DHTKD1: variants seen among roughly 807,000 people sequenced by gnomAD.
DHTKD1 encodes the protein dehydrogenase E1 and transketolase domain containing 1.
Under a neutral mutation model 101.8 loss-of-function variants are expected in DHTKD1, and 78 were observed. The observed-to-expected ratio is 0.77, with a 90% confidence interval of 0.64 to 0.93. DHTKD1 has a LOEUF of 0.93. DHTKD1 is among the 40% of genes least tolerant of loss of function. DHTKD1 has a pLI of 0.00. For missense variants in DHTKD1, 1,223 were observed against 1,161.7 expected, an observed-to-expected ratio of 1.05 and a Z score of -0.77; for synonymous variants, 462 against 450.3, an observed-to-expected ratio of 1.03 and a Z score of -0.33.
chr10:12,097,300 T>G (rs1313172358), intron 7 of DHTKD1, among the ~76,000 whole-genome samples: 1 of 152,108 alleles, frequency 6.6e-6, no homozygotes. Context: ...GAGACGGAGT[T>G]TCACTTTTGT....
chr10:12,104,493 A>G (rs1833215830), intron 10 of DHTKD1, among the ~76,000 whole-genome samples: 1 of 152,304 alleles, frequency 6.6e-6, no homozygotes, highest in South Asian at 2.1e-4. Flanking sequence ...TTTTTATTCC[A>G]AAATAATATT....
At chr10:12,119,623 A>AG (rs1221073936) in intron 15 of DHTKD1, among the ~76,000 whole-genome samples, 2 of 151,432 alleles carry the variant, frequency 1.3e-5, no homozygotes, top group African/African-American at 4.8e-5. Context: ...CTCAAAAAAA[A>AG]AAAAAAAAAA....
Position 12,113,047 on chromosome 10 carries a change from A to G in DHTKD1, c.2302A>G (p.Met768Val). Residue 768 changes from methionine to valine, a missense_variant, in exon 13 of 17, where the codon ATG becomes GTG. Coordinates refer to ENST00000263035, the MANE Select transcript of DHTKD1 (RefSeq NM_018706.7). ...RKPLIVASPKMLLRLPAAVST... is the reference protein window; with the variant it reads ...RKPLIVASPKVLLRLPAAVST... ...ACCACTCATTGTTGCTTCCCCTAAG[A>G]TGTTACTCAGGCTCCCGGTAAGCAG... is the stretch of plus-strand genomic sequence containing the variant. 2 of 1,610,276 alleles carry G rather than the reference A, an allele frequency of 1.2e-6. No individual in the cohort carries two copies. The highest frequency in any genetic ancestry group is 1.7e-4 in the Middle Eastern group (1 of 6,046).
intron 1 of DHTKD1, among the ~76,000 whole-genome samples, chr10:12,074,871 G>A (rs1431813964): frequency 1.3e-5 from 2 of 152,052 alleles, no homozygotes; most frequent in African/African-American, 4.8e-5. Context: ...CGGCCATATT[G>A]AAAACGTCCC....
At chr10:12,096,332 G>T (rs1016430917) in intron 7 of DHTKD1, among the ~76,000 whole-genome samples, 24 of 152,166 alleles carry the variant, frequency 1.6e-4, no homozygotes, top group African/African-American at 5.8e-4. Context: ...ATTGTGTTCT[G>T]TTTAGCTCTG....
At chr10:12,096,709 T>C (rs1360756796) in intron 7 of DHTKD1, among the ~76,000 whole-genome samples, 1 of 152,240 alleles carries the variant, frequency 6.6e-6, no homozygotes, top group Admixed American at 6.5e-5. Flanking sequence ...GGATTAAATA[T>C]GATAATATAT....
chr10:12,118,640 C>T (rs1266891786), intron 14 of DHTKD1, 109 bp from the exon 15 acceptor site: 9 of 830,584 alleles, frequency 1.1e-5, no homozygotes, highest in Admixed American at 9.2e-5. Context: ...CCTTGGCCTC[C>T]CAAAGTGCTG....
Position 12,086,461 on chromosome 10 carries a change from C to G in DHTKD1, c.523-1074C>G, listed in dbSNP as rs899618232. ...GTCTCGATCTCCTGACCTCGTGATTCACTCCCATCAGCCTTCCAAAGTGCT... is the reference window on the plus strand; with the variant it reads ...GTCTCGATCTCCTGACCTCGTGATTGACTCCCATCAGCCTTCCAAAGTGCT... On this transcript the variant is annotated intron_variant, in intron 3 of 16. Coordinates refer to ENST00000263035, the MANE Select transcript of DHTKD1 (RefSeq NM_018706.7). 5.3e-5 allele frequency among the ~76,000 whole-genome samples: 8 copies of G among 151,376 alleles called. No homozygotes were observed. In the East Asian group the frequency reaches 1.6e-3, roughly 30 times the overall value.
chr10:12,091,623 C>A lies in DHTKD1; in HGVS notation c.1098C>A (p.Asn366Lys). 1 of 1,613,784 alleles carries A rather than the reference C, an allele frequency of 6.2e-7. No individual in the cohort carries two copies. Among genetic ancestry groups the A allele is most frequent in the Non-Finnish European group, 8.5e-7 (1 of 1,179,952 alleles). Residue 366 changes from asparagine to lysine, a missense_variant, in exon 6 of 17, where the codon AAC becomes AAA. Transcript: ENST00000263035. ...GGAGTGTGCATTTGATTGTTAATAA[C>A]CAGCTGGGTTACACCACTCCAGCTG... ...IGGSVHLIVNNQLGYTTPAER... is the reference protein window; with the variant it reads ...IGGSVHLIVNKQLGYTTPAER...
At chr10:12,106,572 G>A (rs1189265153) in intron 11 of DHTKD1, among the ~76,000 whole-genome samples, 176 bp downstream of exon 11, 5 of 152,168 alleles carry the variant, frequency 3.3e-5, no homozygotes, top group Non-Finnish European at 7.3e-5. Context: ...TCAGGTTAAT[G>A]TGTTACTGGG....
At chr10:12,076,296 T>G (rs1158269737) in intron 1 of DHTKD1, among the ~76,000 whole-genome samples, 1 of 152,152 alleles carries the variant, frequency 6.6e-6, no homozygotes, top group Non-Finnish European at 1.5e-5. Flanking sequence ...GCTAACACGG[T>G]GAAACCCCGT....
At chr10:12,101,020 T>C (rs752657702) in intron 9 of DHTKD1, 22 bp from the exon 10 acceptor site, 5 of 1,612,178 alleles carry the variant, frequency 3.1e-6, no homozygotes, top group Non-Finnish European at 4.2e-6. Context: ...GAATCTGACT[T>C]TTTTTTTCTT....
intron 13 of DHTKD1, chr10:12,116,135 G>A (rs954672246): frequency 2.6e-5 from 4 of 151,380 alleles, no homozygotes; most frequent in Non-Finnish European, 5.9e-5. Flanking sequence ...TTCGCCATGT[G>A]GGCCAGGCTG....
rs1832820596 is a variant in DHTKD1, at chr10:12,081,613, C to A, written c.296C>A (p.Pro99His). Reference protein sequence around the residue: ...IQALVQTLQGPFHTAGLLNMG... With the variant: ...IQALVQTLQGHFHTAGLLNMG... The stretch of plus-strand genomic sequence containing the variant: ...GCCCTGGTGCAGACACTGCAGGGAC[C>A]CTTCCACACGGCAGGTATGGCTTCT... Residue 99 changes from proline (P) to histidine (H), a missense_variant, in exon 2 of 17, where the codon CCC becomes CAC. Pro to His is a moderately conservative substitution (Grantham distance 77). Transcript: ENST00000263035. 6.2e-7 allele frequency: 1 copy of A among 1,613,992 alleles called. No homozygotes were observed. Among genetic ancestry groups the A allele is most frequent in the African/African-American group, 1.3e-5 (1 of 74,924 alleles).
chr10:12,085,322 T>G (rs1049779315), intron 3 of DHTKD1, among the ~76,000 whole-genome samples: 1 of 151,826 alleles, frequency 6.6e-6, no homozygotes, highest in Admixed American at 6.6e-5. Flanking sequence ...AAAAAAAAGA[T>G]ATATAACTAC....
chr10:12,106,464 A>G (rs1833249168), intron 11 of DHTKD1, 68 bp downstream of exon 11: 3 of 1,588,640 alleles, frequency 1.9e-6, no homozygotes, highest in Non-Finnish European at 8.6e-7. Context: ...GTGGGGACAA[A>G]TGAATGAAAA....
chr10:12,102,112 G>A (rs2131616967), intron 10 of DHTKD1, among the ~76,000 whole-genome samples: 1 of 152,174 alleles, frequency 6.6e-6, no homozygotes, highest in Middle Eastern at 3.4e-3. Context: ...ATCATCTTGA[G>A]TTACTGACAC....
At chr10:12,070,822 C>T (rs1832640581) in intron 1 of DHTKD1, among the ~76,000 whole-genome samples, 1 of 152,140 alleles carries the variant, frequency 6.6e-6, no homozygotes, top group Admixed American at 6.6e-5. Flanking sequence ...AGCCGAATTC[C>T]CCTTCCTGTC....
chr10:12,090,607 C>T (rs997737079), intron 5 of DHTKD1, among the ~76,000 whole-genome samples: 5 of 152,046 alleles, frequency 3.3e-5, no homozygotes, highest in Non-Finnish European at 2.9e-5. Context: ...CTCAGCCTCC[C>T]AAGTAGCTGG....
Sources: allele counts gnomAD v4.1 joint callset (sites outside exome capture counted in the v4.1 genomes callset), GRCh38; gene constraint gnomAD v4.1.1; transcripts MANE v1.5; gene names NCBI Gene and HGNC (gene_info 2026-07-23, HGNC 2026-07-21).